The following PPEF1 variants were observed in gnomAD, a reference collection of about 807,000 sequenced individuals.
PPEF1 encodes serine/threonine-protein phosphatase with EF-hands 1.
PPEF1 carries 12 observed loss-of-function variants against 53.3 expected under a neutral mutation model. That is an observed-to-expected ratio of 0.23 (90% CI 0.14 to 0.36). The LOEUF (loss-of-function observed/expected upper bound fraction) is 0.36, where lower values mean the gene tolerates loss of function less well. PPEF1 is among the 10% of genes least tolerant of loss of function. PPEF1 has a pLI of 1.00. For synonymous variants in PPEF1, 165 were observed against 176.7 expected (o/e 0.93, Z 0.52); for missense variants, 334 against 490.4 (o/e 0.68, Z 3.01).
At chrX:18,677,016 CG>C (rs1928700517) in intron 1 of PPEF1, among the ~76,000 whole-genome samples, 1 of 108,523 alleles carries the variant, frequency 9.2e-6, no homozygotes, top group East Asian at 2.9e-4. Flanking sequence ...CGCCGCCCCT[CG>C]CAAGGTGTCA....
chrX:18,745,470 G>C (rs1196119607), intron 3 of PPEF1, among the ~76,000 whole-genome samples: 2 of 108,980 alleles, frequency 1.8e-5, no homozygotes, highest in African/African-American at 6.7e-5. Context: ...CCCAGCCTCT[G>C]TATTACATTT....
intron 1 of PPEF1, among the ~76,000 whole-genome samples, chrX:18,717,520 G>T (rs756736446): frequency 1.8e-5 from 2 of 109,991 alleles, no homozygotes; most frequent in Non-Finnish European, 3.8e-5. Context: ...ATTTGTACCC[G>T]CTGTCTCCTA....
chrX:18,809,085 C>T (rs1156520561), intron 12 of PPEF1, among the ~76,000 whole-genome samples: 1 of 87,929 alleles, frequency 1.1e-5, no homozygotes, highest in African/African-American at 4.6e-5. Context: ...ATAGATATAT[C>T]ACATTATATC....
chrX:18,826,791 C>T (rs1679513412), intron 15 of PPEF1, among the ~76,000 whole-genome samples: 1 of 109,303 alleles, frequency 9.1e-6, no homozygotes, highest in Non-Finnish European at 1.9e-5. Context: ...CAGATAATCC[C>T]CTAATGCAGA....
rs753987953 is a variant in PPEF1, at chrX:18,733,820, G to T, written c.235+12G>T. 1.7e-5 allele frequency: 20 copies of T among 1,149,417 alleles called. No individual in the cohort carries two copies. In the Admixed American group the frequency reaches 1.9e-4, roughly 11 times the overall value. 94.7% of individuals were successfully genotyped at this position (1,149,417 alleles called of 1,213,427 possible). On this transcript the variant is annotated intron_variant, in intron 3 of 15. Transcript: ENST00000470157. Reference sequence around the variant, plus strand: ...TAAGGAAGAGCTAGGTAAGTAAAAAGCTTAGTCTTTTCAAATGTGTCATTA... The same window carrying T: ...TAAGGAAGAGCTAGGTAAGTAAAAATCTTAGTCTTTTCAAATGTGTCATTA...
At chrX:18,731,842 T>C (rs1406780090) in intron 2 of PPEF1, among the ~76,000 whole-genome samples, 1 of 112,610 alleles carries the variant, frequency 8.9e-6, no homozygotes, top group African/African-American at 3.2e-5. Context: ...CCATTTCATA[T>C]AAATGGAATC....
At chrX:18,805,329 A>ACAC (rs1569269567) in intron 11 of PPEF1, among the ~76,000 whole-genome samples, 1 of 111,688 alleles carries the variant, frequency 9.0e-6, no homozygotes, top group Non-Finnish European at 1.9e-5. Context: ...ATAAAAATGG[A>ACAC]CACCAAGTTG....
intron 6 of PPEF1, among the ~76,000 whole-genome samples, chrX:18,702,613 C>T (rs1018054256): frequency 9.3e-6 from 1 of 107,943 alleles, no homozygotes; most frequent in Non-Finnish European, 1.9e-5. Flanking sequence ...TTTGTCCCCA[C>T]GGCCTGTCTT....
chrX:18,810,548 G>A (rs1248745799), intron 12 of PPEF1, among the ~76,000 whole-genome samples: 2 of 111,640 alleles, frequency 1.8e-5, no homozygotes, highest in African/African-American at 6.5e-5. Flanking sequence ...TCCCATCACA[G>A]CCCTAGGCAA....
intron 5 of PPEF1, among the ~76,000 whole-genome samples, chrX:18,758,109 C>T (rs779945884): frequency 3.6e-5 from 4 of 111,569 alleles, no homozygotes; most frequent in South Asian, 7.7e-4. Flanking sequence ...GAGAAAAGCC[C>T]GTGGCGGGGT....
intron 6 of PPEF1, among the ~76,000 whole-genome samples, chrX:18,775,916 A>G (rs2045956597): frequency 9.0e-6 from 1 of 111,158 alleles, no homozygotes; most frequent in Admixed American, 9.5e-5. Flanking sequence ...CACTTTTTCT[A>G]GTAGGATCCA....
At chrX:18,685,956 C>T (rs1424177955) in intron 2 of PPEF1, among the ~76,000 whole-genome samples, 1 of 110,904 alleles carries the variant, frequency 9.0e-6, no homozygotes, top group Non-Finnish European at 1.9e-5. Flanking sequence ...TGAATTCACA[C>T]AACTGAAAAT....
At chrX:18,785,766 C>G (rs1370708222) in intron 9 of PPEF1, among the ~76,000 whole-genome samples, 1 of 110,418 alleles carries the variant, frequency 9.1e-6, no homozygotes, top group Admixed American at 9.7e-5. Flanking sequence ...CCTGTGGTCC[C>G]AGCTACTTGG....
intron 1 of PPEF1, among the ~76,000 whole-genome samples, chrX:18,723,595 C>T (rs1165024847): frequency 9.0e-6 from 1 of 110,948 alleles, no homozygotes; most frequent in Admixed American, 9.6e-5. Flanking sequence ...CCAGGTGCTG[C>T]GGATGCAGCA....
At chrX:18,790,542 A>T (rs1048492849) in intron 10 of PPEF1, among the ~76,000 whole-genome samples, 1 of 111,248 alleles carries the variant, frequency 9.0e-6, no homozygotes, top group Non-Finnish European at 1.9e-5. Context: ...ATCCAAAGTC[A>T]TAAAGATCTA....
At chrX:18,737,221 G>A (rs1418438019) in intron 3 of PPEF1, among the ~76,000 whole-genome samples, 3 of 111,252 alleles carry the variant, frequency 2.7e-5, no homozygotes, top group Non-Finnish European at 5.7e-5. Context: ...GTGATGTTAG[G>A]GTGTCAATTT....
At chrX:18,807,624 CAT>C (rs1363195905) in intron 12 of PPEF1, among the ~76,000 whole-genome samples, 1 of 112,068 alleles carries the variant, frequency 8.9e-6, no homozygotes, top group African/African-American at 3.2e-5. Context: ...TCATCAAACA[CAT>C]ATCTCAGTGT....
chrX:18,757,163 G>A (rs2045564223), intron 4 of PPEF1, among the ~76,000 whole-genome samples: 1 of 111,547 alleles, frequency 9.0e-6, no homozygotes, highest in African/African-American at 3.3e-5. Context: ...GCTAGTGGCT[G>A]CCATATTGGA....
Position 18,821,180 on chromosome X carries a change from G to A in PPEF1, c.1502-2743G>A, listed in dbSNP as rs374233491. On this transcript the variant is annotated intron_variant, in intron 13 of 15. Coordinates refer to ENST00000470157, the MANE Select transcript of PPEF1 (RefSeq NM_001377996.1). The stretch of plus-strand genomic sequence containing the variant: ...GCAGCTTGCAGTGAGCCGAGATTGC[G>A]CCACTGCACTCCAGACTGGGAGAGA... Among the ~76,000 whole-genome samples, 456 of 99,978 alleles carry A rather than the reference G, an allele frequency of 4.6e-3. 8 individuals carry two copies. The highest frequency in any genetic ancestry group is 0.037 in the Admixed American group (333 of 8,886). The allele number at this position is 99,978 out of a possible 115,157, so 86.8% of individuals were successfully genotyped here.
Sources: gnomAD v4.1 joint callset for allele counts (sites outside exome capture counted in the v4.1 genomes callset) on GRCh38, gnomAD v4.1.1 for gene constraint, MANE v1.5 for transcripts, NCBI Gene and HGNC (gene_info 2026-07-23, HGNC 2026-07-21) for gene names.